Variants in DCC observed in about 807,000 individuals in gnomAD.
The protein encoded by DCC is netrin receptor DCC.
Under a neutral mutation model 172.5 loss-of-function variants are expected in DCC, and 58 were observed. The observed-to-expected ratio is 0.34, with a 90% CI of 0.27 to 0.42. The LOEUF (loss-of-function observed/expected upper bound fraction) is 0.42, where lower values mean the gene tolerates loss of function less well. Among genes scored for constraint, DCC ranks in the 10% least tolerant of loss-of-function variants. The pLI is 1.00. For synonymous variants in DCC, 709 were observed against 644.5 expected, an observed-to-expected ratio of 1.10 and a Z score of -1.52; for missense variants, 1,740 against 1,791.0, an observed-to-expected ratio of 0.97 and a Z score of 0.51.
chr18:52,494,799 A>G (rs1056183384), intron 1 of DCC, among the ~76,000 whole-genome samples: 1 of 151,906 alleles, frequency 6.6e-6, no homozygotes, highest in Admixed American at 6.6e-5. Flanking sequence ...CTGTGGATCT[A>G]TTTGTGTTTG....
intron 12 of DCC, among the ~76,000 whole-genome samples, chr18:53,247,509 G>A (rs532334374): frequency 6.6e-6 from 1 of 152,130 alleles, no homozygotes; most frequent in East Asian, 1.9e-4. Context: ...GCATAGGAGA[G>A]TCTCTAGCAC....
rs145940209 is a variant in DCC, at chr18:52,502,397, C to T, written c.91+161519C>T. On this transcript the variant is annotated intron_variant, in intron 1 of 28. Coordinates refer to ENST00000442544, the MANE Select transcript of DCC (RefSeq NM_005215.4). Reference sequence around the variant, plus strand: ...TGTTCATTTCTACCAGCCTTTCCTACGAAACTATGCATCTTCAAATATCTT... The same window carrying T: ...TGTTCATTTCTACCAGCCTTTCCTATGAAACTATGCATCTTCAAATATCTT... 2.2e-4 allele frequency among the ~76,000 whole-genome samples: 34 copies of T among 152,254 alleles called. No homozygotes were observed. In the East Asian group the frequency reaches 4.6e-3, roughly 21 times the overall value.
At chr18:53,010,350 T>A (rs2041709866) in intron 5 of DCC, among the ~76,000 whole-genome samples, 1 of 151,846 alleles carries the variant, frequency 6.6e-6, no homozygotes, top group African/African-American at 2.4e-5. Flanking sequence ...TTTTTTCTTA[T>A]CTCTGTCATT....
chr18:52,689,115 C>T (rs2035887977), intron 1 of DCC, among the ~76,000 whole-genome samples: 1 of 152,044 alleles, frequency 6.6e-6, no homozygotes, highest in Admixed American at 6.6e-5. Flanking sequence ...CTTTATTAGC[C>T]ATCAATTGGC....
intron 15 of DCC, among the ~76,000 whole-genome samples, chr18:53,359,610 T>C (rs1305948776): frequency 1.3e-5 from 2 of 152,128 alleles, no homozygotes; most frequent in African/African-American, 4.8e-5. Flanking sequence ...AAAATGTGAA[T>C]AATTATTGTT....
chr18:53,224,960 G>GACTACAGTTTTTCTA (rs1252191285), intron 12 of DCC, among the ~76,000 whole-genome samples: 1 of 152,096 alleles, frequency 6.6e-6, no homozygotes, highest in Non-Finnish European at 1.5e-5. Context: ...CTTAGGGAGA[G>GACTACAGTTTTTCTA]ACTACAGTTA....
chr18:53,023,346 AC>A (rs1460219573), intron 5 of DCC, among the ~76,000 whole-genome samples: 9 of 141,784 alleles, frequency 6.3e-5, no homozygotes, highest in Non-Finnish European at 7.7e-5. Flanking sequence ...TAAAAAAAAA[AC>A]ATAAAAAAAA....
At chr18:53,442,478 A>G (rs1912334265) in intron 22 of DCC, among the ~76,000 whole-genome samples, 1 of 152,118 alleles carries the variant, frequency 6.6e-6, no homozygotes, top group African/African-American at 2.4e-5. Context: ...TGTGTGTTCC[A>G]GCTGCCCCAC....
At chr18:52,546,012 T>C (rs2144713310) in intron 1 of DCC, among the ~76,000 whole-genome samples, 1 of 152,342 alleles carries the variant, frequency 6.6e-6, no homozygotes, top group South Asian at 2.1e-4. Context: ...CATTGCTTAC[T>C]TAGCATGTCT....
chr18:52,786,137 A>G (rs1369707051), intron 2 of DCC, among the ~76,000 whole-genome samples: 1 of 152,050 alleles, frequency 6.6e-6, no homozygotes, highest in Admixed American at 6.6e-5. Flanking sequence ...CAAGATACAG[A>G]ATTTATCTTT....
rs1216053696 is a variant in DCC at position 52,497,271 on chromosome 18, AAAAAAAAAAAT to A, written c.91+156395_91+156405del. Among the ~76,000 whole-genome samples the A allele has an allele frequency of 1.3e-4, 12 of 94,020 alleles. 2 individuals are homozygous for A. In the South Asian group the frequency reaches 3.5e-3, roughly 27 times the overall value. 61.7% of individuals were successfully genotyped at this position (94,020 alleles called of 152,430 possible). A position where few individuals can be genotyped will look rare whatever the true frequency, so the allele number is the denominator to read the frequency against. ...GTGAGACCCTGTATCAAAAAAAAAA[AAAAAAAAAAAT>A]ATATATATATATATATATATATATA... is the stretch of plus-strand genomic sequence containing the variant. On this transcript the variant is annotated intron_variant, in intron 1 of 28. Coordinates refer to ENST00000442544, the MANE Select transcript of DCC (RefSeq NM_005215.4).
chr18:52,341,998 G>T (rs1983658090), intron 1 of DCC, among the ~76,000 whole-genome samples: 1 of 152,174 alleles, frequency 6.6e-6, no homozygotes, highest in Non-Finnish European at 1.5e-5. Flanking sequence ...ACAGGGAATG[G>T]CACATCAATC....
intron 1 of DCC, among the ~76,000 whole-genome samples, chr18:52,429,921 T>A (rs1019560572): frequency 2.0e-5 from 3 of 152,132 alleles, no homozygotes; most frequent in African/African-American, 7.2e-5. Flanking sequence ...AGAGAAATAA[T>A]GGCTTTTGAG....
At chr18:52,603,525 C>A (rs1182797192) in intron 1 of DCC, among the ~76,000 whole-genome samples, 1 of 150,774 alleles carries the variant, frequency 6.6e-6, no homozygotes, top group Non-Finnish European at 1.5e-5. Flanking sequence ...AAAAGTTTAA[C>A]TTAAAAAGTT....
intron 2 of DCC, among the ~76,000 whole-genome samples, chr18:52,859,275 T>C (rs1296493220): frequency 6.6e-6 from 1 of 152,216 alleles, no homozygotes; most frequent in Non-Finnish European, 1.5e-5. Flanking sequence ...AATGGTGGAT[T>C]GATCCTGTAG....
intron 8 of DCC, among the ~76,000 whole-genome samples, chr18:53,178,640 TC>T (rs1163031572): frequency 6.6e-6 from 1 of 152,244 alleles, no homozygotes; most frequent in Non-Finnish European, 1.5e-5. Flanking sequence ...CAGATGTTTC[TC>T]CTTATTTTAA....
At chr18:53,176,280 T>C (rs12458381) in intron 8 of DCC, among the ~76,000 whole-genome samples, 1 of 122,150 alleles carries the variant, frequency 8.2e-6, no homozygotes, top group African/African-American at 3.1e-5. Flanking sequence ...AAGGACTTCA[T>C]GTCTAAAACA....
At chr18:52,355,756 G>A (rs1984335394) in intron 1 of DCC, among the ~76,000 whole-genome samples, 1 of 152,092 alleles carries the variant, frequency 6.6e-6, no homozygotes, top group South Asian at 2.1e-4. Context: ...GGTGACCAGA[G>A]TCACAAGGCA....
chr18:52,578,102 A>T (rs2033457800), intron 1 of DCC, among the ~76,000 whole-genome samples: 1 of 152,212 alleles, frequency 6.6e-6, no homozygotes, highest in Non-Finnish European at 1.5e-5. Flanking sequence ...TATTCCTTCC[A>T]ACCTGATTAT....
Sources: allele counts gnomAD v4.1 joint callset (sites outside exome capture counted in the v4.1 genomes callset), GRCh38; gene constraint gnomAD v4.1.1; transcripts MANE v1.5; gene names NCBI Gene and HGNC (gene_info 2026-07-23, HGNC 2026-07-21).